Variants in OPCML observed in about 807,000 individuals in gnomAD.
OPCML encodes opioid-binding protein/cell adhesion molecule.
A neutral mutation model predicts 37.8 loss-of-function variants in OPCML; 13 were observed. The observed-to-expected ratio is 0.34, with a 90% CI of 0.22 to 0.55. OPCML has a LOEUF of 0.55. Among genes scored for constraint, OPCML ranks in the 20% least tolerant of loss-of-function variants. The probability of loss-of-function intolerance (pLI) is 0.91; values close to 1 mark genes in which losing one functional copy is unlikely to be tolerated. For missense variants in OPCML, 341 were observed against 435.6 expected, an observed-to-expected ratio of 0.78 and a Z score of 1.93; for synonymous variants, 176 against 168.8, an observed-to-expected ratio of 1.04 and a Z score of -0.33.
intron 1 of OPCML, among the ~76,000 whole-genome samples, chr11:133,381,125 C>T (rs1351139949): frequency 1.3e-5 from 2 of 152,200 alleles, no homozygotes; most frequent in East Asian, 1.9e-4. Context: ...GCTGTCTTGC[C>T]TAGGAGTGGC....
intron 1 of OPCML, chr11:133,298,921 A>C (rs1292806687): frequency 6.6e-6 from 1 of 152,126 alleles, no homozygotes; most frequent in African/African-American, 2.4e-5. Context: ...TTCATATATA[A>C]CTACAAATTT....
intron 3 of OPCML, among the ~76,000 whole-genome samples, chr11:132,574,879 C>T (rs1214219412): frequency 6.6e-6 from 1 of 151,914 alleles, no homozygotes; most frequent in Non-Finnish European, 1.5e-5. Flanking sequence ...TGTTATTGTA[C>T]TGTTGTCTGT....
chr11:133,238,052 A>C (rs1463303835), intron 1 of OPCML, among the ~76,000 whole-genome samples: 1 of 152,218 alleles, frequency 6.6e-6, no homozygotes, highest in Admixed American at 6.5e-5. Flanking sequence ...AGATGGAGAG[A>C]GTGAACTCAA....
chr11:133,515,675 T>C (rs1483154669), intron 1 of OPCML, among the ~76,000 whole-genome samples: 1 of 151,952 alleles, frequency 6.6e-6, no homozygotes, highest in Middle Eastern at 3.2e-3. Context: ...TGGATTGTAA[T>C]GGGCTTGGGG....
At chr11:133,038,826 CA>C (rs11429741) in intron 1 of OPCML, among the ~76,000 whole-genome samples, 171 of 143,846 alleles carry the variant, frequency 1.2e-3, no homozygotes, top group Middle Eastern at 3.6e-3. Context: ...TCTATGTTGC[CA>C]AAAAAAAAAA....
At chr11:132,914,364 G>A (rs1591795539) in intron 2 of OPCML, among the ~76,000 whole-genome samples, 2 of 152,136 alleles carry the variant, frequency 1.3e-5, no homozygotes, top group Admixed American at 6.5e-5. Flanking sequence ...CTAATTACAC[G>A]ACCTGGTAAT....
chr11:132,953,121 G>A (rs1381365917), intron 1 of OPCML, among the ~76,000 whole-genome samples: 3 of 152,134 alleles, frequency 2.0e-5, no homozygotes, highest in African/African-American at 7.2e-5. Context: ...CCAAGTTTCT[G>A]TGTGTATTGC....
At chr11:132,422,255 G>C (rs2095962043) in intron 7 of OPCML, among the ~76,000 whole-genome samples, 1 of 152,176 alleles carries the variant, frequency 6.6e-6, no homozygotes, top group Non-Finnish European at 1.5e-5. Flanking sequence ...CCAGTGAACT[G>C]AAACATTCCT....
chr11:133,232,264 CTT>C (rs1043695092), intron 1 of OPCML, among the ~76,000 whole-genome samples: 2 of 152,176 alleles, frequency 1.3e-5, no homozygotes, highest in African/African-American at 4.8e-5. Flanking sequence ...AAAAACTACT[CTT>C]TGATGAGAAA....
chr11:132,996,555 G>C (rs1946890973), intron 1 of OPCML, among the ~76,000 whole-genome samples: 1 of 150,020 alleles, frequency 6.7e-6, no homozygotes, highest in African/African-American at 2.5e-5. Context: ...GAAGGCAGAG[G>C]TTGCAGTGAG....
chr11:133,291,809 T>C (rs2136540143), intron 1 of OPCML, among the ~76,000 whole-genome samples: 1 of 152,316 alleles, frequency 6.6e-6, no homozygotes, highest in Middle Eastern at 3.4e-3. Context: ...TTCTAAAATC[T>C]TCACAAAAAA....
intron 1 of OPCML, among the ~76,000 whole-genome samples, chr11:133,228,278 A>G (rs2136379889): frequency 6.6e-6 from 1 of 152,272 alleles, no homozygotes; most frequent in South Asian, 2.1e-4. Context: ...TGAGGAGGTG[A>G]GCATAGCAGG....
chr11:132,824,861 G>T (rs1940205561), intron 2 of OPCML, among the ~76,000 whole-genome samples: 1 of 152,070 alleles, frequency 6.6e-6, no homozygotes, highest in Admixed American at 6.6e-5. Flanking sequence ...TTCACCACAA[G>T]CCCTTCAGTT....
intron 1 of OPCML, among the ~76,000 whole-genome samples, chr11:133,056,554 G>C (rs377707519): frequency 6.6e-6 from 1 of 152,182 alleles, no homozygotes; most frequent in South Asian, 2.1e-4. Context: ...TTAAAAGTCT[G>C]GGGAAGAAAG....
chr11:132,889,874 C>A (rs1386058124), intron 2 of OPCML, among the ~76,000 whole-genome samples: 1 of 152,180 alleles, frequency 6.6e-6, no homozygotes, highest in Non-Finnish European at 1.5e-5. Flanking sequence ...ACAGAAATTG[C>A]AGAAATACGT....
Position 132,914,247 on chromosome 11 carries a change from G to A in OPCML, c.146+28679C>T, listed in dbSNP as rs142998079. Among the ~76,000 whole-genome samples the A allele has an allele frequency of 3.9e-5, 6 of 152,322 alleles. No homozygotes were observed. In the East Asian group the frequency reaches 1.2e-3, roughly 29 times the overall value. On this transcript the variant is annotated intron_variant, in intron 2 of 7. Transcript: ENST00000524381. ...GGCCCTCTGCTCCAGATCCACGACT[G>A]AGACTCTTCGATATCTCCACAATGC...
chr11:132,698,017 T>C (rs1943663417), intron 2 of OPCML, among the ~76,000 whole-genome samples: 1 of 101,030 alleles, frequency 9.9e-6, no homozygotes, highest in East Asian at 2.8e-4. Flanking sequence ...TTTATTTATT[T>C]ATTTATTTAT....
chr11:132,906,250 G>A (rs905575687), intron 2 of OPCML, among the ~76,000 whole-genome samples: 2 of 152,260 alleles, frequency 1.3e-5, no homozygotes, highest in African/African-American at 4.8e-5. Context: ...CATGGGGCAG[G>A]TTCTCATCAG....
chr11:132,498,523 G>A (rs1350560162), intron 4 of OPCML, among the ~76,000 whole-genome samples: 1 of 152,174 alleles, frequency 6.6e-6, no homozygotes, highest in African/African-American at 2.4e-5. Flanking sequence ...TTTTGAAGGA[G>A]AGACTGTCTA....
Sources: gnomAD v4.1 joint callset for allele counts (sites outside exome capture counted in the v4.1 genomes callset) on GRCh38, gnomAD v4.1.1 for gene constraint, MANE v1.5 for transcripts, NCBI Gene and HGNC (gene_info 2026-07-23, HGNC 2026-07-21) for gene names.